Variants in NCOR2 observed in about 807,000 individuals in gnomAD.
NCOR2 encodes nuclear receptor corepressor 2.
In NCOR2, 81 loss-of-function variants were observed where a neutral mutation model predicts 262.9. The observed-to-expected ratio is 0.31, with a 90% confidence interval of 0.26 to 0.37. The LOEUF is 0.37. Ranked by LOEUF, NCOR2 falls within the 10% of genes least tolerant of loss-of-function variation. The probability of loss-of-function intolerance (pLI) is 1.00; values close to 1 mark genes in which losing one functional copy is unlikely to be tolerated. For missense variants in NCOR2, 3,385 were observed against 3,621.4 expected, an observed-to-expected ratio of 0.93 and a Z score of 1.68; for synonymous variants, 1,659 against 1,559.3, an observed-to-expected ratio of 1.06 and a Z score of -1.51.
exon 9 of NCOR2, chr12:124,430,711 G>A (rs1438939141): frequency 6.2e-7 from 1 of 1,614,058 alleles, no homozygotes; most frequent in African/African-American, 1.3e-5. Context: ...CCGCCGCCGG[G>A]GGTTGTTCTC....
exon 17 of NCOR2, chr12:124,385,826 C>T (rs762450882): frequency 6.2e-7 from 1 of 1,613,936 alleles, no homozygotes; most frequent in Non-Finnish European, 8.5e-7. Context: ...TACACTGCGA[C>T]ACAGTCTTGG....
intron 17 of NCOR2, among the ~76,000 whole-genome samples, chr12:124,380,433 C>T (rs2040322578): frequency 6.6e-6 from 1 of 152,236 alleles, no homozygotes; most frequent in African/African-American, 2.4e-5. Flanking sequence ...AGCCCTGCCC[C>T]TGCCAGTGCC....
Position 124,440,918 on chromosome 12 carries a change from CTG to C in NCOR2, c.816-2924_816-2923del, listed in dbSNP as rs1329407801. ...GCACCGCAGGAGACAGGAACAAACT[CTG>C]TGTATCGGAAGCACAGACAGAGGAA... is the stretch of plus-strand genomic sequence containing the variant. On this transcript the variant is annotated intron_variant, in intron 7 of 46. Transcript: ENST00000405201. This position sits in a 1 kb window ranked among gnomAD's most constrained non-coding sequence, Gnocchi z 5.7. Among the ~76,000 whole-genome samples the C allele has an allele frequency of 6.6e-6, 1 of 152,128 alleles. No homozygotes were observed. The highest frequency in any genetic ancestry group is 1.5e-5 in the Non-Finnish European group (1 of 68,024).
Position 124,341,793 on chromosome 12 carries a change from C to T in NCOR2, c.5188+30G>A, listed in dbSNP as rs1223405771. 5 of 1,575,776 alleles carry T rather than the reference C, an allele frequency of 3.2e-6. No homozygotes were observed. The East Asian group carries it at 9.0e-5, about 28-fold the overall frequency. ...ATGTCCTTTGGGAATAAGGCCAAAC[C>T]CAGCGGAGGTGGTCTGCCCACCCAC... On this transcript the variant is annotated intron_variant, in intron 34 of 46. Coordinates refer to ENST00000405201, the Ensembl canonical transcript of NCOR2.
rs2043633876 is a variant in NCOR2 at position 124,427,675 on chromosome 12, C to G, written c.1150-875G>C. On this transcript the variant is annotated intron_variant, in intron 10 of 46. Transcript: ENST00000405201. ...ATCCCCCCAAGAGGCTGGCATCTGT[C>G]TCCCAGACCCTTGGAGCTGTCCCCT... is the stretch of plus-strand genomic sequence containing the variant. 3.3e-5 allele frequency among the ~76,000 whole-genome samples: 5 copies of G among 152,188 alleles called. No homozygotes were observed. The South Asian group carries it at 1.0e-3, about 32-fold the overall frequency.
chr12:124,364,582 C>T (rs2038873143), intron 20 of NCOR2, among the ~76,000 whole-genome samples: 1 of 152,224 alleles, frequency 6.6e-6, no homozygotes, highest in South Asian at 2.1e-4. Flanking sequence ...TACACGGTGC[C>T]TGGCAGAGCG....
exon 38 of NCOR2, chr12:124,337,021 T>C (rs2035952673): frequency 6.6e-7 from 1 of 1,504,504 alleles, no homozygotes; most frequent in Non-Finnish European, 8.9e-7. Flanking sequence ...CGGTGTCTGC[T>C]CGGGGCCGCT....
chr12:124,381,485 C>A (rs1218164822), intron 17 of NCOR2, among the ~76,000 whole-genome samples: 1 of 152,164 alleles, frequency 6.6e-6, no homozygotes, highest in African/African-American at 2.4e-5. Context: ...TCCTCAAGGG[C>A]TGGGATCTTT....
At chr12:124,327,654 G>C in intron 44 of NCOR2, 21 bp from the exon 47 acceptor site, 2 of 1,584,644 alleles carry the variant, frequency 1.3e-6, no homozygotes, top group Non-Finnish European at 1.7e-6. Context: ...GAGACAGACA[G>C]ACAGACAGAC....
chr12:124,466,918 C>T (rs982753729), intron 4 of NCOR2, among the ~76,000 whole-genome samples: 1 of 151,908 alleles, frequency 6.6e-6, no homozygotes, highest in Non-Finnish European at 1.5e-5. Context: ...GCAAAGCACG[C>T]AGCACCTGAC....
chr12:124,385,045 A>G (rs1181619246), intron 17 of NCOR2, among the ~76,000 whole-genome samples: 1 of 152,032 alleles, frequency 6.6e-6, no homozygotes, highest in African/African-American at 2.4e-5. Flanking sequence ...GGAGGGAGGA[A>G]GGGAAGGAGG....
intron 3 of NCOR2, among the ~76,000 whole-genome samples, chr12:124,475,636 G>A (rs1394994158): frequency 6.6e-6 from 1 of 152,254 alleles, no homozygotes. Context: ...AAAACACACT[G>A]AGGGCCAGAT....
In NCOR2 at chr12:124,503,668, G is replaced by A. The variant is rs1182690758; in HGVS notation, c.-117-8300C>T. ...GATGGATGGATGGATGGATGGACGG[G>A]TGAATGGATGGATGGATGGATGGAT... is the stretch of plus-strand genomic sequence containing the variant. On this transcript the variant is annotated intron_variant, in intron 1 of 46. Transcript: ENST00000404621. This position sits in a 1 kb window ranked among gnomAD's most constrained non-coding sequence, Gnocchi z 4.3. 5.0e-5 allele frequency among the ~76,000 whole-genome samples: 5 copies of A among 99,910 alleles called. No individual in the cohort carries two copies. Among genetic ancestry groups the A allele is most frequent in the Non-Finnish European group, 1.0e-4 (5 of 49,492 alleles). 65.5% of individuals were successfully genotyped at this position (99,910 alleles called of 152,430 possible).
intron 14 of NCOR2, 100 bp downstream of exon 16, chr12:124,402,304 G>C: frequency 6.4e-7 from 1 of 1,558,302 alleles, no homozygotes; most frequent in East Asian, 2.3e-5. Flanking sequence ...CAGGCAATTG[G>C]TGGGCACCCC....
Position 124,432,707 on chromosome 12 carries a change from G to A in NCOR2, c.883-1920C>T, listed in dbSNP as rs928137897. ...GAGGACCCCAGCAGCTCCCAGAGAGGGGGCTCTGCCTTCCCTCCAAGACAA... is the reference window on the plus strand; with the variant it reads ...GAGGACCCCAGCAGCTCCCAGAGAGAGGGCTCTGCCTTCCCTCCAAGACAA... On this transcript the variant is annotated intron_variant, in intron 8 of 46. Coordinates refer to ENST00000405201, the Ensembl canonical transcript of NCOR2. The surrounding 1 kb of genome is among the most constrained non-coding windows in gnomAD (Gnocchi z 5.1). Among the ~76,000 whole-genome samples, 9 of 152,160 alleles carry A rather than the reference G, an allele frequency of 5.9e-5. No homozygotes were observed. The highest frequency in any genetic ancestry group is 2.0e-4 in the Admixed American group (3 of 15,284).
rs1014641205 is a variant in NCOR2, at chr12:124,454,819, T to C, written c.762+2287A>G. On this transcript the variant is annotated intron_variant, in intron 6 of 46. Coordinates refer to ENST00000405201, the Ensembl canonical transcript of NCOR2. The surrounding 1 kb of genome is among the most constrained non-coding windows in gnomAD (Gnocchi z 5.6). Reference sequence around the variant, plus strand: ...CGCCTAGGTACACACCCAGGAGAAATGAAGACGTACGTTCACATGGAAACG... The same window carrying C: ...CGCCTAGGTACACACCCAGGAGAAACGAAGACGTACGTTCACATGGAAACG... Among the ~76,000 whole-genome samples, 7 of 152,100 alleles carry C rather than the reference T, an allele frequency of 4.6e-5. No individual in the cohort carries two copies. Among genetic ancestry groups the C allele is most frequent in the African/African-American group, 1.7e-4 (7 of 41,402 alleles).
chr12:124,342,746 C>A (rs1169295217), intron 33 of NCOR2, among the ~76,000 whole-genome samples: 1 of 152,230 alleles, frequency 6.6e-6, no homozygotes, highest in Non-Finnish European at 1.5e-5. Context: ...CTTTGCATTG[C>A]TAAAGGCACT....
exon 42 of NCOR2, chr12:124,333,227 C>T: frequency 9.9e-6 from 16 of 1,613,094 alleles, no homozygotes; most frequent in Non-Finnish European, 1.4e-5. Context: ...GACACAGGTT[C>T]AATACCGTCC....
chr12:124,423,248 G>A (rs1445941582), intron 11 of NCOR2, among the ~76,000 whole-genome samples: 1 of 152,202 alleles, frequency 6.6e-6, no homozygotes, highest in Non-Finnish European at 1.5e-5. Flanking sequence ...GTCAAGGCCT[G>A]CTCCACCCCA....
Sources: allele counts gnomAD v4.1 joint callset (sites outside exome capture counted in the v4.1 genomes callset), GRCh38; gene constraint gnomAD v4.1.1; non-coding constraint Gnocchi (gnomAD v3.1); transcripts MANE v1.5; gene names NCBI Gene and HGNC (gene_info 2026-07-23, HGNC 2026-07-21).